PFKFB3: variants seen among roughly 807,000 people sequenced by gnomAD.
PFKFB3 encodes the protein 6-phosphofructo-2-kinase/fructose-2,6-biphosphatase 3, also known as 6-phosphofructo-2-kinase/fructose-2,6-bisphosphatase 3.
Under a neutral mutation model 68.0 loss-of-function variants are expected in PFKFB3, and 33 were observed. That is an observed-to-expected ratio of 0.49 (90% CI 0.37 to 0.65). The LOEUF is 0.65. Among genes scored for constraint, PFKFB3 ranks in the 30% least tolerant of loss-of-function variants. The pLI, the probability that PFKFB3 is intolerant of heterozygous loss-of-function variation, is 0.00. For synonymous variants in PFKFB3, 315 were observed against 288.2 expected, an observed-to-expected ratio of 1.09 and a Z score of -0.94; for missense variants, 586 against 712.2, an observed-to-expected ratio of 0.82 and a Z score of 2.02.
intron 1 of PFKFB3, among the ~76,000 whole-genome samples, chr10:6,176,184 A>T (rs552478138): frequency 6.6e-6 from 1 of 152,194 alleles, no homozygotes; most frequent in African/African-American, 2.4e-5. Context: ...TTATGGGGAA[A>T]ATGCTGAGGG....
At chr10:6,266,265 G>A in the PFKFB3 span, among the ~76,000 whole-genome samples, 1 of 152,266 alleles carries the variant, frequency 6.6e-6, no homozygotes, top group South Asian at 2.1e-4. Flanking sequence ...ATAATCCATA[G>A]TGTCCTTATT....
At chr10:6,245,221 C>T (rs921946990) in intron 14 of PFKFB3, among the ~76,000 whole-genome samples, 20 of 152,032 alleles carry the variant, frequency 1.3e-4, no homozygotes, top group African/African-American at 3.6e-4. Context: ...CTCAGCCTCC[C>T]GAGTAGCTGG....
the PFKFB3 span, among the ~76,000 whole-genome samples, chr10:6,281,291 A>G: frequency 6.6e-6 from 1 of 151,124 alleles, no homozygotes; most frequent in Non-Finnish European, 1.5e-5. Flanking sequence ...AAAGTTCCTG[A>G]AAGTTTGGGA....
Position 6,221,697 on chromosome 10 carries a change from T to C in PFKFB3, c.1035T>C (p.Tyr345=), listed in dbSNP as rs1844971245. The C allele has an allele frequency of 1.2e-6, 2 of 1,610,294 alleles. No homozygotes were observed. Among genetic ancestry groups the C allele is most frequent in the Non-Finnish European group, 1.7e-6 (2 of 1,178,864 alleles). ...TCAGGGACACCTACCCTGAGGAGTATGCGCTGCGGGAGCAGGACAAGTACT... is the reference window on the plus strand; with the variant it reads ...TCAGGGACACCTACCCTGAGGAGTACGCGCTGCGGGAGCAGGACAAGTACT... ...EEIRDTYPEE[Y]ALREQDKYYY... Residue 345 remains tyrosine, a synonymous_variant, in exon 10 of 15, where the codon TAT becomes TAC. Coordinates refer to ENST00000379775, the MANE Select transcript of PFKFB3 (RefSeq NM_004566.4).
chr10:6,299,868 C>T, the PFKFB3 span, among the ~76,000 whole-genome samples: 46 of 151,732 alleles, frequency 3.0e-4, no homozygotes, highest in Admixed American at 7.2e-4. Context: ...TGGTTTGGAG[C>T]TCCATGTTTC....
chr10:6,151,694 G>A (rs1841592292), intron 1 of PFKFB3, among the ~76,000 whole-genome samples: 1 of 152,298 alleles, frequency 6.6e-6, no homozygotes, highest in Non-Finnish European at 1.5e-5. Context: ...AGGCAGGCAG[G>A]GGCAAACGGG....
the PFKFB3 span, among the ~76,000 whole-genome samples, chr10:6,271,579 C>T: frequency 2.0e-5 from 3 of 152,116 alleles, no homozygotes; most frequent in African/African-American, 4.8e-5. Flanking sequence ...TCTTTTAGCT[C>T]CAGTCCTGGT....
the PFKFB3 span, among the ~76,000 whole-genome samples, chr10:6,305,669 C>T: frequency 6.6e-6 from 1 of 152,160 alleles, no homozygotes; most frequent in Non-Finnish European, 1.5e-5. Flanking sequence ...GCTTTTCTTT[C>T]TTTCGTGTTT....
At chr10:6,246,409 G>T (rs534249005) in intron 14 of PFKFB3, among the ~76,000 whole-genome samples, 1 of 151,052 alleles carries the variant, frequency 6.6e-6, no homozygotes, top group South Asian at 2.1e-4. Flanking sequence ...CACGATCTCG[G>T]CTCACTGCAA....
In PFKFB3 at chr10:6,229,512, C is replaced by G. The variant is rs1488623040; in HGVS notation, c.1515+3147C>G. On this transcript the variant is annotated intron_variant, in intron 14 of 14. Transcript: ENST00000379775. The surrounding 1 kb of genome is among the most constrained non-coding windows in gnomAD (Gnocchi z 4.3). ...GCAGCTGTTGGACCCTCGTGTACCC[C>G]CACAGCCACCCCCTTGCAGCTGCTT... Among the ~76,000 whole-genome samples the G allele has an allele frequency of 6.6e-6, 1 of 152,182 alleles. No individual in the cohort carries two copies.
chr10:6,309,587 C>T, the PFKFB3 span, among the ~76,000 whole-genome samples: 1 of 152,160 alleles, frequency 6.6e-6, no homozygotes, highest in Non-Finnish European at 1.5e-5. Context: ...GTGCCACTGC[C>T]CTCCAGCCCA....
intron 1 of PFKFB3, among the ~76,000 whole-genome samples, chr10:6,189,512 CTTTTTT>C (rs3084089): frequency 1.7e-5 from 2 of 121,198 alleles, no homozygotes; most frequent in Non-Finnish European, 1.7e-5. Flanking sequence ...GTGAGGTTCA[CTTTTTT>C]TTTTTTTTTT....
At chr10:6,226,439 G>T (rs1395044456) in intron 14 of PFKFB3, 74 bp downstream of exon 14, 2 of 1,454,550 alleles carry the variant, frequency 1.4e-6, no homozygotes, top group Admixed American at 2.1e-5. Context: ...GGGATTGCGT[G>T]CGTGTGTGTT....
At chr10:6,231,161 T>C in intron 14 of PFKFB3, 1 of 888,136 alleles carries the variant, frequency 1.1e-6, no homozygotes, top group Admixed American at 1.9e-5. Flanking sequence ...GCAACCTTCA[T>C]TTTTAAAATT....
At chr10:6,239,736 T>C (rs1247145046), downstream of PFKFB3, among the ~76,000 whole-genome samples, 1 of 152,090 alleles carries the variant, frequency 6.6e-6, no homozygotes, top group Non-Finnish European at 1.5e-5. Flanking sequence ...TGCAGTGGCA[T>C]GATGTCGATT....
chr10:6,291,315 C>T, the PFKFB3 span, among the ~76,000 whole-genome samples: 78 of 152,242 alleles, frequency 5.1e-4, no homozygotes, highest in Middle Eastern at 3.4e-3. Flanking sequence ...CCTATAATCC[C>T]AGCACTTTGG....
In PFKFB3 at chr10:6,210,493, T is replaced by A. The variant is rs527369088; in HGVS notation, c.77-3130T>A. 1.3e-3 allele frequency among the ~76,000 whole-genome samples: 156 copies of A among 115,660 alleles called. 13 individuals carry two copies. Among genetic ancestry groups the A allele is most frequent in the African/African-American group, 3.9e-3 (149 of 37,722 alleles). The allele number at this position is 115,660 out of a possible 152,430, so 75.9% of individuals were successfully genotyped here. On this transcript the variant is annotated intron_variant, in intron 1 of 14. Coordinates refer to ENST00000379775, the MANE Select transcript of PFKFB3 (RefSeq NM_004566.4). ...CTCCTGCCTCAGCCTCCCGAGTAGC[T>A]GGGACTACAGGCGCCCGCCAACATG...
chr10:6,244,310 G>A (rs1455780670), intron 14 of PFKFB3, among the ~76,000 whole-genome samples: 1 of 152,192 alleles, frequency 6.6e-6, no homozygotes, highest in Non-Finnish European at 1.5e-5. Context: ...GCCACGTAGT[G>A]AAGACCAAAC....
chr10:6,226,590 G>C, intron 14 of PFKFB3: 1 of 554,696 alleles, frequency 1.8e-6, no homozygotes, highest in Non-Finnish European at 3.2e-6. Context: ...AAGATCCTGG[G>C]GGCTTTCCTT....
Sources: allele counts gnomAD v4.1 joint callset (sites outside exome capture counted in the v4.1 genomes callset), GRCh38; gene constraint gnomAD v4.1.1; non-coding constraint Gnocchi (gnomAD v3.1); transcripts MANE v1.5; gene names NCBI Gene and HGNC (gene_info 2026-07-23, HGNC 2026-07-21).